USH2A: variants seen among roughly 807,000 people sequenced by gnomAD.
USH2A encodes the protein usherin.
Under a neutral mutation model 538.9 loss-of-function variants are expected in USH2A, and 443 were observed. The observed-to-expected ratio is 0.82, with a 90% CI of 0.76 to 0.89. USH2A has a LOEUF of 0.89. USH2A is among the 40% of genes least tolerant of loss of function. The pLI is 0.00. For missense variants in USH2A, 6,633 were observed against 6,324.8 expected (o/e 1.05, Z -1.65); for synonymous variants, 2,413 against 2,273.5 (o/e 1.06, Z -1.75).
intron 68 of USH2A, among the ~76,000 whole-genome samples, chr1:215,639,800 C>A (rs1656616494): frequency 6.6e-6 from 1 of 152,210 alleles, no homozygotes; most frequent in South Asian, 2.1e-4. Flanking sequence ...TGAACTGTAA[C>A]AATGAACATG....
rs1221995004 is a variant in USH2A at position 216,199,805 on chromosome 1, A to G, written c.3633T>C (p.Val1211=). ...HETSATIWNL[V]PFAKYDFSVQ... ...CAGAAAAATCGTACTTGGCAAATGGAACCAGATTCCAGATGGTAGCTGAGG... is the reference window on the plus strand; with the variant it reads ...CAGAAAAATCGTACTTGGCAAATGGGACCAGATTCCAGATGGTAGCTGAGG... Residue 1211 remains valine, a synonymous_variant, in exon 17 of 72, where the codon GTT becomes GTC. Transcript: ENST00000307340. The G allele has an allele frequency of 6.2e-7, 1 of 1,614,020 alleles. No homozygotes were observed. Among genetic ancestry groups the G allele is most frequent in the African/African-American group, 1.3e-5 (1 of 74,936 alleles).
chr1:216,067,786 T>C (rs572023063), intron 30 of USH2A, among the ~76,000 whole-genome samples: 2 of 152,094 alleles, frequency 1.3e-5, no homozygotes, highest in South Asian at 4.2e-4. Flanking sequence ...CAGTTGGAAA[T>C]GTCATTGTGT....
rs1404335908 is a variant in USH2A at position 215,633,257 on chromosome 1, A to G, written c.15297+1202T>C. Among the ~76,000 whole-genome samples the G allele has an allele frequency of 2.0e-5, 3 of 152,220 alleles. No individual in the cohort carries two copies. In the East Asian group the frequency reaches 5.8e-4, roughly 29 times the overall value. ...AGGGAGGAAGGAGGCTCCGAGGAGG[A>G]TGAGTGAGTAGAGGAGTGGGACAGA... On this transcript the variant is annotated intron_variant, in intron 70 of 71. Transcript: ENST00000307340.
At chr1:216,319,735 T>C (rs1234177807) in intron 9 of USH2A, among the ~76,000 whole-genome samples, 1 of 152,182 alleles carries the variant, frequency 6.6e-6, no homozygotes, top group Admixed American at 6.5e-5. Flanking sequence ...AAAGTCTGCA[T>C]TATAGATAAT....
chr1:215,841,163 A>G (rs559224161), intron 46 of USH2A, among the ~76,000 whole-genome samples: 1 of 152,306 alleles, frequency 6.6e-6, no homozygotes, highest in East Asian at 1.9e-4. Context: ...TAAACTACCA[A>G]TGACATTCTT....
chr1:216,031,431 G>A (rs1429000505), intron 32 of USH2A, among the ~76,000 whole-genome samples: 3 of 152,106 alleles, frequency 2.0e-5, no homozygotes, highest in Non-Finnish European at 4.4e-5. Context: ...ACTGACTAAT[G>A]CATATAAATA....
At chr1:215,678,257 T>G (rs1409201350) in intron 62 of USH2A, among the ~76,000 whole-genome samples, 3 of 152,218 alleles carry the variant, frequency 2.0e-5, no homozygotes, top group African/African-American at 7.2e-5. Flanking sequence ...CCTTCAGTAA[T>G]TTTTCATTGC....
chr1:215,734,652 T>G (rs904241899), intron 60 of USH2A, among the ~76,000 whole-genome samples: 6 of 152,226 alleles, frequency 3.9e-5, no homozygotes, highest in Admixed American at 3.9e-4. Context: ...GGCAAAGTCT[T>G]GAATGCTGCT....
At chr1:215,910,156 T>C (rs1665743196) in intron 38 of USH2A, among the ~76,000 whole-genome samples, 1 of 152,020 alleles carries the variant, frequency 6.6e-6, no homozygotes. Context: ...CAATGAAAAC[T>C]TTTTTACCTT....
At chr1:216,369,075 C>T (rs142156346) in intron 3 of USH2A, among the ~76,000 whole-genome samples, 3 of 152,152 alleles carry the variant, frequency 2.0e-5, no homozygotes, top group East Asian at 3.9e-4. Flanking sequence ...AAGAAAACCA[C>T]TGTAATATGA....
intron 8 of USH2A, 118 bp downstream of exon 8, chr1:216,323,356 A>C: frequency 1.1e-6 from 1 of 900,636 alleles, no homozygotes; most frequent in Non-Finnish European, 1.8e-6. Flanking sequence ...AAAATCTTAG[A>C]GTATGAAATC....
chr1:216,409,401 C>A (rs1252647922), intron 3 of USH2A, among the ~76,000 whole-genome samples: 1 of 151,984 alleles, frequency 6.6e-6, no homozygotes, highest in Non-Finnish European at 1.5e-5. Context: ...CATATAAAAC[C>A]AAAAATGAGC....
At chr1:216,101,864 A>T (rs991637967) in intron 21 of USH2A, among the ~76,000 whole-genome samples, 2 of 152,224 alleles carry the variant, frequency 1.3e-5, no homozygotes, top group African/African-American at 2.4e-5. Flanking sequence ...TGTAAAATAA[A>T]CTTACATCCA....
At chr1:216,397,834 A>AG (rs1328778540) in intron 3 of USH2A, among the ~76,000 whole-genome samples, 1 of 152,240 alleles carries the variant, frequency 6.6e-6, no homozygotes, top group Admixed American at 6.5e-5. Context: ...ATCATTCTAT[A>AG]GCTTGCTGAC....
chr1:215,848,961 T>C (rs532422519), intron 44 of USH2A, among the ~76,000 whole-genome samples: 1 of 152,284 alleles, frequency 6.6e-6, no homozygotes, highest in South Asian at 2.1e-4. Flanking sequence ...TTCAGTTCAA[T>C]AGACCAGCAC....
chr1:215,772,529 G>A (rs556217870), intron 55 of USH2A, among the ~76,000 whole-genome samples: 3 of 152,218 alleles, frequency 2.0e-5, no homozygotes, highest in East Asian at 1.9e-4. Context: ...ACACTTCCAA[G>A]TAACATTACT....
chr1:216,360,862 A>G (rs2038478553), intron 4 of USH2A, among the ~76,000 whole-genome samples: 1 of 152,134 alleles, frequency 6.6e-6, no homozygotes, highest in Non-Finnish European at 1.5e-5. Flanking sequence ...TCAGATGCCC[A>G]TTCTCCTAAA....
chr1:215,698,651 C>A (rs1270063303), intron 61 of USH2A, among the ~76,000 whole-genome samples: 1 of 152,134 alleles, frequency 6.6e-6, no homozygotes. Context: ...ATATCCTTTG[C>A]CCACTTTTTG....
intron 47 of USH2A, among the ~76,000 whole-genome samples, chr1:215,824,488 G>A (rs533743213): frequency 6.6e-6 from 1 of 152,180 alleles, no homozygotes; most frequent in African/African-American, 2.4e-5. Context: ...GTTCCAAAGG[G>A]GATATCCTGG....
Sources: allele counts gnomAD v4.1 joint callset (sites outside exome capture counted in the v4.1 genomes callset), GRCh38; gene constraint gnomAD v4.1.1; transcripts MANE v1.5; gene names NCBI Gene and HGNC (gene_info 2026-07-23, HGNC 2026-07-21).